SMIM35: variants seen among roughly 807,000 people sequenced by gnomAD.
SMIM35 encodes TMPRSS4 antisense RNA 1 (non-protein coding).
chr11:118,049,047 G>A (rs1040758587), intron 1 of SMIM35, among the ~76,000 whole-genome samples: 4 of 149,622 alleles, frequency 2.7e-5, no homozygotes, highest in East Asian at 2.0e-4. Context: ...AAGTAAGAGC[G>A]CTATTTCACT....
chr11:118,078,311 T>C (rs1329591300), intron 1 of SMIM35, among the ~76,000 whole-genome samples: 1 of 151,956 alleles, frequency 6.6e-6, no homozygotes, highest in African/African-American at 2.4e-5. Context: ...GAGGCAGCAA[T>C]TGCCCAGCCA....
At chr11:118,060,435 G>A (rs1041170782) in intron 1 of SMIM35, among the ~76,000 whole-genome samples, 4 of 152,350 alleles carry the variant, frequency 2.6e-5, no homozygotes, top group Middle Eastern at 6.8e-3. Context: ...TACTGGCATC[G>A]GAAGGCATGA....
At chr11:118,057,153 G>T (rs756103608) in intron 1 of SMIM35, among the ~76,000 whole-genome samples, 9 of 152,194 alleles carry the variant, frequency 5.9e-5, no homozygotes, top group African/African-American at 9.6e-5. Context: ...GACACTGAAG[G>T]CGCAGAAGGA....
rs112203194 is a variant in SMIM35, at chr11:118,047,964, T to A, written c.8-32155A>T. Among the ~76,000 whole-genome samples, 1,013 of 152,196 alleles carry A rather than the reference T, an allele frequency of 6.7e-3. 13 individuals are homozygous for A. The highest frequency in any genetic ancestry group is 0.022 in the African/African-American group (912 of 41,504). On this transcript the variant is annotated intron_variant, in intron 1 of 4. Coordinates refer to ENST00000689828, the MANE Select transcript of SMIM35 (RefSeq NM_001394165.1). ...CTTGTTGACAGTCTCTTAGGAGGTG[T>A]CTCTGGGGCTCAGATGGAACCTCGC...
At chr11:118,069,020 A>G (rs17121577) in intron 1 of SMIM35, among the ~76,000 whole-genome samples, 6,133 of 152,276 alleles carry the variant, frequency 0.04, 304 homozygotes, top group African/African-American at 0.12. Context: ...ACGGACCACC[A>G]TTGACTCATC....
At chr11:118,036,203 T>TA (rs1229678105) in intron 1 of SMIM35, among the ~76,000 whole-genome samples, 22 of 152,292 alleles carry the variant, frequency 1.4e-4, no homozygotes, top group Non-Finnish European at 2.6e-4. Context: ...TGGTGATTTT[T>TA]AAAAAACCAT....
chr11:118,018,975 T>A (rs73011724), intron 1 of SMIM35, among the ~76,000 whole-genome samples: 14,568 of 152,196 alleles, frequency 0.096, 965 homozygotes, highest in East Asian at 0.36. Context: ...AAATGCTGCC[T>A]TTCTTACTTA....
chr11:118,065,319 G>A (rs1346192201), intron 1 of SMIM35, among the ~76,000 whole-genome samples: 3 of 152,220 alleles, frequency 2.0e-5, no homozygotes, highest in African/African-American at 7.2e-5. Flanking sequence ...GCTCACAGGA[G>A]GAGGAAGACA....
chr11:118,016,299 T>G (rs2058182820), intron 1 of SMIM35, among the ~76,000 whole-genome samples: 1 of 152,206 alleles, frequency 6.6e-6, no homozygotes, highest in Non-Finnish European at 1.5e-5. Flanking sequence ...ACTTCTTCCC[T>G]TTTTGTGGTA....
chr11:118,049,866 G>A (rs567367384), intron 1 of SMIM35, among the ~76,000 whole-genome samples: 4 of 152,098 alleles, frequency 2.6e-5, no homozygotes, highest in Non-Finnish European at 4.4e-5. Context: ...TGTGTCCGCC[G>A]TGCAAACTGT....
At chr11:118,050,674 T>G (rs1320441282) in intron 1 of SMIM35, among the ~76,000 whole-genome samples, 1 of 152,186 alleles carries the variant, frequency 6.6e-6, no homozygotes, top group Non-Finnish European at 1.5e-5. Flanking sequence ...TCATCATAAG[T>G]GCCGGCCGAT....
intron 1 of SMIM35, among the ~76,000 whole-genome samples, chr11:118,019,046 C>A (rs2058205562): frequency 6.6e-6 from 1 of 152,136 alleles, no homozygotes; most frequent in African/African-American, 2.4e-5. Flanking sequence ...AATACCCTCC[C>A]AAATTTGGTG....
chr11:118,056,196 C>T (rs1378911855), intron 1 of SMIM35, among the ~76,000 whole-genome samples: 1 of 151,930 alleles, frequency 6.6e-6, no homozygotes, highest in East Asian at 1.9e-4. Flanking sequence ...CTCACTTGGG[C>T]CAGGGTTGGG....
intron 1 of SMIM35, among the ~76,000 whole-genome samples, chr11:118,053,122 A>G (rs181886475): frequency 1.1e-4 from 17 of 152,302 alleles, no homozygotes; most frequent in African/African-American, 3.4e-4. Flanking sequence ...CCTGGCCAAC[A>G]TGGTGAAACC....
At chr11:118,014,886 A>G (rs968799422) in intron 2 of SMIM35, 145 bp from the exon 3 acceptor site, 1 of 396,638 alleles carries the variant, frequency 2.5e-6, no homozygotes, top group Non-Finnish European at 4.4e-6. Flanking sequence ...GGAGCATTCC[A>G]GCCTCCTTCA....
chr11:118,024,170 T>A (rs2058255215), intron 1 of SMIM35, among the ~76,000 whole-genome samples: 1 of 152,152 alleles, frequency 6.6e-6, no homozygotes, highest in Non-Finnish European at 1.5e-5. Flanking sequence ...AATTTTCCAA[T>A]TTTGAAGAAC....
intron 1 of SMIM35, among the ~76,000 whole-genome samples, chr11:118,029,196 T>A (rs537173836): frequency 7.2e-5 from 11 of 152,248 alleles, no homozygotes; most frequent in Admixed American, 5.9e-4. Flanking sequence ...GGGCAGTGGC[T>A]TACACCTATA....
chr11:118,059,827 C>T lies in SMIM35; in HGVS notation c.7+26924G>A, dbSNP rs991095521. Among the ~76,000 whole-genome samples the T allele has an allele frequency of 4.6e-5, 7 of 152,334 alleles. No individual in the cohort carries two copies. The East Asian group carries it at 1.2e-3, about 25-fold the overall frequency. On this transcript the variant is annotated intron_variant, in intron 1 of 4. Coordinates refer to ENST00000689828, the MANE Select transcript of SMIM35 (RefSeq NM_001394165.1). The stretch of plus-strand genomic sequence containing the variant: ...CATATCTGAGACACAGGGTGAGGTG[C>T]TCAATCCTACTGGATAAACTTGTCT...
chr11:118,026,680 T>C (rs1293465716), intron 1 of SMIM35, among the ~76,000 whole-genome samples: 1 of 152,140 alleles, frequency 6.6e-6, no homozygotes, highest in African/African-American at 2.4e-5. Context: ...AAGATGCAGG[T>C]CTTAGGCTGG....
Sources: gnomAD v4.1 joint callset for allele counts (sites outside exome capture counted in the v4.1 genomes callset) on GRCh38, gnomAD v4.1.1 for gene constraint, MANE v1.5 for transcripts, NCBI Gene and HGNC (gene_info 2026-07-23, HGNC 2026-07-21) for gene names.